The following HIVEP3 variants were observed in gnomAD, a reference collection of about 807,000 sequenced individuals.
HIVEP3 encodes the protein transcription factor HIVEP3.
HIVEP3 carries 49 observed loss-of-function variants against 152.8 expected under a neutral mutation model. The ratio of observed to expected loss-of-function variants is 0.32; its 90% CI spans 0.26 to 0.41. The LOEUF (loss-of-function observed/expected upper bound fraction) is 0.41, where lower values mean the gene tolerates loss of function less well. Ranked by LOEUF, HIVEP3 falls within the 10% of genes least tolerant of loss-of-function variation. The pLI is 1.00. For synonymous variants in HIVEP3, 1,269 were observed against 1,289.0 expected (o/e 0.98, Z 0.33); for missense variants, 2,790 against 3,103.3 (o/e 0.90, Z 2.40).
intron 3 of HIVEP3, among the ~76,000 whole-genome samples, chr1:41,618,375 T>C (rs535995296): frequency 4.4e-4 from 67 of 152,296 alleles, no homozygotes; most frequent in Admixed American, 3.9e-3. Context: ...ATGCTGAAAA[T>C]TGAGGGCCTC....
At chr1:41,877,743 G>C (rs72963276) in intron 1 of HIVEP3, among the ~76,000 whole-genome samples, 10,702 of 152,126 alleles carry the variant, frequency 0.07, 1,221 homozygotes, top group African/African-American at 0.24. Flanking sequence ...TATTTATAAG[G>C]CTAAGAATAA....
chr1:41,841,394 T>C (rs111450089), intron 1 of HIVEP3, among the ~76,000 whole-genome samples: 44 of 141,292 alleles, frequency 3.1e-4, no homozygotes, highest in Middle Eastern at 3.5e-3. Context: ...CAACACCAAG[T>C]TTTGACAATG....
intron 1 of HIVEP3, among the ~76,000 whole-genome samples, chr1:41,915,060 G>A (rs1353246753): frequency 6.6e-6 from 1 of 152,034 alleles, no homozygotes. Context: ...ATTTTGACCA[G>A]TAAGCCACCG....
Position 41,510,519 on chromosome 1 carries a change from G to C in HIVEP3, c.7153C>G (p.Pro2385Ala), listed in dbSNP as rs2149045648. Residue 2385 changes from proline (P) to alanine (A), a missense_variant, in exon 9 of 9, where the codon CCC becomes GCC. Coordinates refer to ENST00000372583, the MANE Select transcript of HIVEP3 (RefSeq NM_024503.5). ...GCCCTGGGCTCCCCACTTCCTGAGG[G>C]CTTGGGGGAGTCCTGCCTGGTCCTG... ...EPRTRQDSPK[P>A]SGSGEPRAHP... 6.3e-7 allele frequency: 1 copy of C among 1,595,362 alleles called. No individual in the cohort carries two copies. Among genetic ancestry groups the C allele is most frequent in the South Asian group, 1.1e-5 (1 of 87,582 alleles).
rs61551837 is a variant in HIVEP3 at position 41,918,107 on chromosome 1, C to CCCG, written c.-801+303_-801+305dup. Among the ~76,000 whole-genome samples the CCCG allele has an allele frequency of 0.026, 3,928 of 151,698 alleles. 149 individuals are homozygous for CCCG. The highest frequency in any genetic ancestry group is 0.087 in the African/African-American group (3,618 of 41,352). ...CGCACGGCGCGCATAGGGTTACAGC[C>CCCG]CCGCCGCCGCCGCCGCCGCCGCCGC... On this transcript the variant is annotated intron_variant, in intron 1 of 8. Coordinates refer to ENST00000372583, the MANE Select transcript of HIVEP3 (RefSeq NM_024503.5). This position sits in a 1 kb window ranked among gnomAD's most constrained non-coding sequence, Gnocchi z 4.3.
At position 41,550,988 on chromosome 1, in the gene HIVEP3, T is replaced by A. The variant is rs1643887968; in HGVS notation, c.5207+24556A>T. On this transcript the variant is annotated intron_variant, in intron 5 of 8. Transcript: ENST00000372583. ...AGGGAATGCTTCCAGTTTTTGCCTA[T>A]TCTGTATGATATTGGCTGTGGGTTT... Among the ~76,000 whole-genome samples the A allele has an allele frequency of 2.6e-5, 4 of 152,378 alleles. No individual in the cohort carries two copies. The South Asian group carries it at 8.3e-4, about 32-fold the overall frequency.
chr1:41,986,730 G>A (rs980885791), intron 1 of HIVEP3, among the ~76,000 whole-genome samples: 2 of 152,170 alleles, frequency 1.3e-5, no homozygotes, highest in African/African-American at 2.4e-5. Context: ...GTGAGCCACC[G>A]CGCCCTGCCG....
intron 1 of HIVEP3, among the ~76,000 whole-genome samples, chr1:41,841,559 A>C (rs1393768724): frequency 6.6e-6 from 1 of 152,138 alleles, no homozygotes; most frequent in Non-Finnish European, 1.5e-5. Flanking sequence ...CTGCCACTTT[A>C]AAATGGGGGA....
intron 1 of HIVEP3, among the ~76,000 whole-genome samples, chr1:41,761,217 CAT>C (rs374440408): frequency 2.6e-5 from 4 of 152,046 alleles, no homozygotes; most frequent in Admixed American, 1.3e-4. Flanking sequence ...GGTGTGTATG[CAT>C]ATGTGTGTGT....
rs139725123 is a variant in HIVEP3, at chr1:41,612,355, C to T, written c.-522+16394G>A. ...CCTTACGTTAGTGCAGTGACTACAG[C>T]TCACCAAAGGCCCCTGTAGCCACTG... On this transcript the variant is annotated intron_variant, in intron 3 of 8. Coordinates refer to ENST00000372583, the MANE Select transcript of HIVEP3 (RefSeq NM_024503.5). Among the ~76,000 whole-genome samples, 1,474 of 152,322 alleles carry T rather than the reference C, an allele frequency of 9.7e-3. 18 individuals are homozygous for T. The highest frequency in any genetic ancestry group is 0.033 in the African/African-American group (1,392 of 41,564).
chr1:41,528,507 A>C (rs1179257831), intron 5 of HIVEP3, among the ~76,000 whole-genome samples: 1 of 38,766 alleles, frequency 2.6e-5, no homozygotes, highest in Non-Finnish European at 4.7e-5. Flanking sequence ...ACTCACCTTC[A>C]CACTCACACC....
chr1:41,994,557 T>C (rs1645384234), intron 1 of HIVEP3, among the ~76,000 whole-genome samples: 1 of 152,140 alleles, frequency 6.6e-6, no homozygotes, highest in Admixed American at 6.6e-5. Flanking sequence ...ATTTCCCCCA[T>C]CACTCTCTCT....
intron 1 of HIVEP3, among the ~76,000 whole-genome samples, chr1:41,937,729 G>T (rs530132905): frequency 6.6e-4 from 100 of 152,222 alleles, no homozygotes; most frequent in Non-Finnish European, 1.3e-3. Context: ...GGGTATCCCT[G>T]GTCATGGACT....
chr1:41,565,359 A>C (rs1034155194), intron 5 of HIVEP3, among the ~76,000 whole-genome samples: 8 of 148,570 alleles, frequency 5.4e-5, no homozygotes, highest in Non-Finnish European at 1.0e-4. Context: ...CTGCCAAAAG[A>C]GATGAAAGGT....
intron 2 of HIVEP3, among the ~76,000 whole-genome samples, chr1:41,651,301 C>T (rs1020127843): frequency 2.6e-5 from 4 of 151,052 alleles, no homozygotes; most frequent in Admixed American, 6.7e-5. Context: ...ATCCCAGCTA[C>T]TTGGGAGGCT....
intron 2 of HIVEP3, among the ~76,000 whole-genome samples, chr1:41,689,692 C>T (rs1041456749): frequency 8.5e-5 from 13 of 152,188 alleles, no homozygotes; most frequent in Non-Finnish European, 1.3e-4. Flanking sequence ...AATAGCCGCC[C>T]GACTATTTCA....
intron 1 of HIVEP3, among the ~76,000 whole-genome samples, chr1:41,872,649 A>AAT (rs1458286659): frequency 2.0e-5 from 3 of 152,130 alleles, no homozygotes; most frequent in Non-Finnish European, 4.4e-5. Flanking sequence ...GGAATTGTAC[A>AAT]ATATATATAT....
intron 1 of HIVEP3, among the ~76,000 whole-genome samples, chr1:41,972,296 C>A (rs1231740272): frequency 6.6e-6 from 1 of 152,214 alleles, no homozygotes; most frequent in Admixed American, 6.5e-5. Context: ...TGGTCCTTGC[C>A]ATGTGGGGCT....
At chr1:41,919,292 T>C (rs560679613), upstream of HIVEP3, among the ~76,000 whole-genome samples, 1 of 152,272 alleles carries the variant, frequency 6.6e-6, no homozygotes, top group East Asian at 1.9e-4. Flanking sequence ...AGGGCACTCT[T>C]GTCAGCAAGC....
Sources: allele counts gnomAD v4.1 joint callset (sites outside exome capture counted in the v4.1 genomes callset), GRCh38; gene constraint gnomAD v4.1.1; non-coding constraint Gnocchi (gnomAD v3.1); transcripts MANE v1.5; gene names NCBI Gene and HGNC (gene_info 2026-07-23, HGNC 2026-07-21).